PER2: variants seen among roughly 807,000 people sequenced by gnomAD.
PER2 encodes period circadian protein homolog 2.
Under a neutral mutation model 121.0 loss-of-function variants are expected in PER2, and 66 were observed. The observed-to-expected ratio is 0.55, with a 90% CI of 0.45 to 0.67. The LOEUF (loss-of-function observed/expected upper bound fraction) is 0.67, where lower values mean the gene tolerates loss of function less well. Among genes scored for constraint, PER2 ranks in the 30% least tolerant of loss-of-function variants. The pLI, the probability that PER2 is intolerant of heterozygous loss-of-function variation, is 0.00. For synonymous variants in PER2, 684 were observed against 659.9 expected (o/e 1.04, Z -0.56); for missense variants, 1,521 against 1,635.0 (o/e 0.93, Z 1.20).
upstream of PER2, among the ~76,000 whole-genome samples, chr2:238,294,459 A>G (rs1249369451): frequency 6.6e-6 from 1 of 152,202 alleles, no homozygotes; most frequent in Non-Finnish European, 1.5e-5. Flanking sequence ...TTGGGGCTTC[A>G]CATTCATACT....
At chr2:238,282,956 T>C (rs529987878) in intron 1 of PER2, among the ~76,000 whole-genome samples, 33 of 152,320 alleles carry the variant, frequency 2.2e-4, no homozygotes, top group African/African-American at 7.9e-4. Context: ...GCCACGTGCT[T>C]CAGCAGGTCT....
At chr2:238,256,102 A>G (rs1296566330) in intron 17 of PER2, among the ~76,000 whole-genome samples, 191 bp from the exon 18 acceptor site, 1 of 152,292 alleles carries the variant, frequency 6.6e-6, no homozygotes. Context: ...CAAGAAGCAG[A>G]GCAGGACAGC....
upstream of PER2, among the ~76,000 whole-genome samples, chr2:238,293,189 G>A (rs1209330197): frequency 6.6e-6 from 1 of 151,826 alleles, no homozygotes; most frequent in Non-Finnish European, 1.5e-5. Context: ...CTTTGTCTCT[G>A]CTATACAATA....
chr2:238,283,620 T>C (rs545978619), intron 1 of PER2, among the ~76,000 whole-genome samples: 1 of 152,338 alleles, frequency 6.6e-6, no homozygotes, highest in Admixed American at 6.5e-5. Context: ...ACGGAGTGCC[T>C]TGCGGGGGCA....
rs1695637139 is a variant in PER2 at position 238,252,612 on chromosome 2, T to C, written c.3111+300A>G. On this transcript the variant is annotated intron_variant, in intron 19 of 22. Coordinates refer to ENST00000254657, the MANE Select transcript of PER2 (RefSeq NM_022817.3). The surrounding 1 kb of genome is among the most constrained non-coding windows in gnomAD (Gnocchi z 4.2). The stretch of plus-strand genomic sequence containing the variant: ...CTGACTGTGCTTTATCTCTGAAGCG[T>C]CATTTAAAAAGTCGAAGCCCACAAA... Among the ~76,000 whole-genome samples the C allele has an allele frequency of 6.6e-6, 1 of 152,208 alleles. No individual in the cohort carries two copies. The highest frequency in any genetic ancestry group is 2.4e-5 in the African/African-American group (1 of 41,452).
upstream of PER2, among the ~76,000 whole-genome samples, chr2:238,293,483 C>G (rs1379169203): frequency 6.6e-6 from 1 of 152,044 alleles, no homozygotes; most frequent in Non-Finnish European, 1.5e-5. Context: ...TTAAGAAAAA[C>G]CAAGGACTTG....
intron 8 of PER2, among the ~76,000 whole-genome samples, chr2:238,266,341 C>A (rs1696112191): frequency 6.6e-6 from 1 of 150,978 alleles, no homozygotes; most frequent in South Asian, 2.1e-4. Flanking sequence ...AGGATGGTCT[C>A]AAATGCCCAG....
chr2:238,290,419 G>C (rs1019893778), upstream of PER2, among the ~76,000 whole-genome samples: 4 of 151,998 alleles, frequency 2.6e-5, no homozygotes, highest in African/African-American at 9.7e-5. Flanking sequence ...CATTGTTCTG[G>C]AAACAAGAGT....
At chr2:238,265,218 A>G (rs1300958650) in intron 9 of PER2, among the ~76,000 whole-genome samples, 2 of 152,176 alleles carry the variant, frequency 1.3e-5, no homozygotes, top group African/African-American at 2.4e-5. Flanking sequence ...CCACCCTGAC[A>G]CTGGTCCCAG....
At chr2:238,261,003 A>G (rs1350647532) in intron 12 of PER2, 50 bp from the exon 13 acceptor site, 1 of 1,595,966 alleles carries the variant, frequency 6.3e-7, no homozygotes, top group South Asian at 1.1e-5. Flanking sequence ...CTGCTGAGCT[A>G]TGCATGTGGC....
chr2:238,275,856 A>C lies in PER2; in HGVS notation c.335T>G (p.Ile112Arg). Residue 112 changes from isoleucine (I) to arginine (R), a missense_variant, in exon 4 of 23, where the codon ATA (isoleucine) becomes AGA (arginine). Transcript: ENST00000254657. Reference protein sequence around the residue: ...SSKVDTHKELIKTLKELKVHL... With the variant: ...SSKVDTHKELRKTLKELKVHL... ...GACCTTCAGCTCCTTTAGTGTTTTT[A>C]TCAGTTCTTTGTGTGTGTCCACTTT... 6.2e-7 allele frequency: 1 copy of C among 1,614,184 alleles called. No individual in the cohort carries two copies. The highest frequency in any genetic ancestry group is 8.5e-7 in the Non-Finnish European group (1 of 1,180,018).
chr2:238,272,017 T>A (rs1192021393), intron 5 of PER2, among the ~76,000 whole-genome samples: 2 of 152,140 alleles, frequency 1.3e-5, no homozygotes, highest in East Asian at 3.9e-4. Flanking sequence ...ATACTCTCAG[T>A]CTGTAAGAGA....
intron 5 of PER2, among the ~76,000 whole-genome samples, chr2:238,271,966 T>G (rs1434239270): frequency 1.3e-5 from 2 of 151,946 alleles, no homozygotes; most frequent in Non-Finnish European, 2.9e-5. Context: ...CACAGAAACA[T>G]TCCAAGCTTG....
intron 20 of PER2, among the ~76,000 whole-genome samples, chr2:238,251,111 C>T (rs570593092): frequency 2.1e-3 from 313 of 152,366 alleles, no homozygotes; most frequent in African/African-American, 7.3e-3. Context: ...CCCTAGCCAG[C>T]CTCACCTGTG....
chr2:238,265,014 C>T (rs757884309), intron 9 of PER2, among the ~76,000 whole-genome samples: 12 of 152,330 alleles, frequency 7.9e-5, no homozygotes, highest in Middle Eastern at 3.4e-3. Context: ...GCAGAAGCCA[C>T]TCAGAACATG....
At chr2:238,282,906 C>G (rs1370114016) in intron 1 of PER2, among the ~76,000 whole-genome samples, 1 of 152,240 alleles carries the variant, frequency 6.6e-6, no homozygotes, top group Admixed American at 6.5e-5. Flanking sequence ...CGTGTGTGAA[C>G]TGACTCAGGG....
chr2:238,262,515 G>A (rs757557211), intron 10 of PER2, among the ~76,000 whole-genome samples, 171 bp from the exon 11 acceptor site: 1 of 152,150 alleles, frequency 6.6e-6, no homozygotes, highest in Non-Finnish European at 1.5e-5. Context: ...TAGATTACCA[G>A]GAGGCTGTTT....
intron 1 of PER2, among the ~76,000 whole-genome samples, chr2:238,283,870 G>C (rs887688997): frequency 6.6e-6 from 1 of 152,204 alleles, no homozygotes; most frequent in Non-Finnish European, 1.5e-5. Context: ...CAGATAAGCA[G>C]CTGGTCCTTT....
At position 238,246,268 on chromosome 2, in the gene PER2, A is replaced by G. The variant is rs1047913605; in HGVS notation, c.*107T>C. On this transcript the variant is annotated 3_prime_UTR_variant, in exon 23 of 23. Coordinates refer to ENST00000254657, the MANE Select transcript of PER2 (RefSeq NM_022817.3). ...TTTTTTCTAAAACAAAAAAAGCAAC[A>G]TGAGCATATGTGTCCATTTCAGTGG... is the stretch of plus-strand genomic sequence containing the variant. 5.6e-5 allele frequency: 42 copies of G among 744,252 alleles called. No homozygotes were observed. In the African/African-American group the frequency reaches 7.1e-4, roughly 13 times the overall value. 46.1% of individuals were successfully genotyped at this position (744,252 alleles called of 1,614,324 possible). A position where few individuals can be genotyped will look rare whatever the true frequency, so the allele number is the denominator to read the frequency against.
Sources: gnomAD v4.1 joint callset for allele counts (sites outside exome capture counted in the v4.1 genomes callset) on GRCh38, gnomAD v4.1.1 for gene constraint, Gnocchi (gnomAD v3.1) non-coding constraint, MANE v1.5 for transcripts, NCBI Gene and HGNC (gene_info 2026-07-23, HGNC 2026-07-21) for gene names.